Variants in ZZEF1 observed in about 807,000 individuals in gnomAD.
ZZEF1 encodes the protein zinc finger ZZ-type and EF-hand domain containing 1, also known as zinc finger ZZ-type and EF-hand domain-containing protein 1.
Under a neutral mutation model 342.8 loss-of-function variants are expected in ZZEF1, and 157 were observed. The observed-to-expected ratio is 0.46, with a 90% CI of 0.40 to 0.52. ZZEF1 has a LOEUF of 0.52. Among genes scored for constraint, ZZEF1 ranks in the 20% least tolerant of loss-of-function variants. The pLI is 0.00. For synonymous variants in ZZEF1, 1,505 were observed against 1,429.1 expected (o/e 1.05, Z -1.20); for missense variants, 3,480 against 3,725.6 (o/e 0.93, Z 1.72).
chr17:4,072,401 C>T (rs2057526716), intron 25 of ZZEF1, among the ~76,000 whole-genome samples: 1 of 152,224 alleles, frequency 6.6e-6, no homozygotes. Context: ...CCAAGTCACG[C>T]ATTCAGTATT....
At chr17:4,101,587 G>C (rs374102570) in intron 9 of ZZEF1, among the ~76,000 whole-genome samples, 1 of 152,100 alleles carries the variant, frequency 6.6e-6, no homozygotes, top group Non-Finnish European at 1.5e-5. Flanking sequence ...CTCTAGACAC[G>C]CAAATACTAC....
rs1315652349 is a variant in ZZEF1 at position 4,017,778 on chromosome 17, G to A, written c.7642-48C>T. On this transcript the variant is annotated intron_variant, in intron 47 of 54. Coordinates refer to ENST00000381638, the MANE Select transcript of ZZEF1 (RefSeq NM_015113.4). This position sits in a 1 kb window ranked among gnomAD's most constrained non-coding sequence, Gnocchi z 5.1. ...ACAGAGGTCTAGCCTTCTTACAGTG[G>A]TGGTATGGGGTGGGGGATGGGGTGC... 9 of 1,613,324 alleles carry A rather than the reference G, an allele frequency of 5.6e-6. No individual in the cohort carries two copies. Among genetic ancestry groups the A allele is most frequent in the African/African-American group, 2.7e-5 (2 of 74,942 alleles).
At chr17:4,035,270 T>G (rs2056635637) in intron 39 of ZZEF1, among the ~76,000 whole-genome samples, 1 of 152,212 alleles carries the variant, frequency 6.6e-6, no homozygotes, top group Admixed American at 6.5e-5. Flanking sequence ...TGAGTTGTTA[T>G]CCTCAGTGTG....
chr17:4,114,265 T>A, intron 4 of ZZEF1, 34 bp downstream of exon 4: 1 of 1,464,890 alleles, frequency 6.8e-7, no homozygotes, highest in Non-Finnish European at 9.1e-7. Context: ...AATCCAAAAT[T>A]TTAAAAAACA....
At position 4,114,390 on chromosome 17, in the gene ZZEF1, A is replaced by T; in HGVS notation, c.775T>A (p.Ser259Thr). The change falls in exon 4 of 55, where the codon TCC (serine) becomes ACC (threonine). Residue 259 changes from serine to threonine, a missense_variant. This residue lies in a region of ZZEF1 where 416 missense variants were observed against 374.2 expected (regional missense o/e 1.11). Transcript: ENST00000381638. ...VAKCYAYIET[S>T]SNSADIDKMT... ...TTGTCAATGTCTGCCGAGTTGGAGG[A>T]TGTTTCTATATAAGCATAGCACTTT... is the stretch of plus-strand genomic sequence containing the variant. 1 of 1,611,914 alleles carries T rather than the reference A, an allele frequency of 6.2e-7. No homozygotes were observed. Among genetic ancestry groups the T allele is most frequent in the Non-Finnish European group, 8.5e-7 (1 of 1,179,114 alleles).
At chr17:4,108,484 A>C (rs1387511670) in intron 6 of ZZEF1, among the ~76,000 whole-genome samples, 1 of 152,234 alleles carries the variant, frequency 6.6e-6, no homozygotes, top group Non-Finnish European at 1.5e-5. Context: ...AGAAAGGACA[A>C]AGAAATGCAG....
chr17:4,026,510 A>G (rs1307522523), intron 42 of ZZEF1, among the ~76,000 whole-genome samples: 1 of 151,054 alleles, frequency 6.6e-6, no homozygotes, highest in Non-Finnish European at 1.5e-5. Context: ...ATAGACAAAC[A>G]TCTTTTTTTT....
intron 1 of ZZEF1, among the ~76,000 whole-genome samples, chr17:4,133,155 T>C (rs2058696367): frequency 6.6e-6 from 1 of 152,174 alleles, no homozygotes; most frequent in Non-Finnish European, 1.5e-5. Context: ...AGCACAGCTA[T>C]CATTCATTCA....
At position 4,082,474 on chromosome 17, in the gene ZZEF1, G is replaced by A. The variant is rs1196424698; in HGVS notation, c.2677C>T (p.Leu893=). Residue 893 remains leucine, a synonymous_variant, in exon 17 of 55, where the codon CTG becomes TTG. Transcript: ENST00000381638. ...NVTEQEHKQS[L]QLTFRSLCTY... ...CACAGTGAACGGAAAGTGAGCTGCA[G>A]GGACTGCTTGTGCTCCTGCTCGGTG... is the stretch of plus-strand genomic sequence containing the variant. The A allele has an allele frequency of 3.7e-6, 6 of 1,614,124 alleles. No individual in the cohort carries two copies. Among genetic ancestry groups the A allele is most frequent in the Non-Finnish European group, 5.1e-6 (6 of 1,180,000 alleles).
At chr17:4,029,635 G>T (rs2056493528) in intron 42 of ZZEF1, among the ~76,000 whole-genome samples, 1 of 152,136 alleles carries the variant, frequency 6.6e-6, no homozygotes, top group African/African-American at 2.4e-5. Context: ...CAGCACTTTG[G>T]AAGGCTGAGG....
chr17:4,044,502 C>T (rs1245581736), intron 37 of ZZEF1, 128 bp from the exon 38 acceptor site: 1 of 770,562 alleles, frequency 1.3e-6, no homozygotes, highest in Non-Finnish European at 2.0e-6. Context: ...TTAGAAAATG[C>T]CACTCATTTC....
At chr17:4,112,037 T>A (rs1326697826) in intron 5 of ZZEF1, among the ~76,000 whole-genome samples, 55 of 3,644 alleles carry the variant, frequency 0.015, no homozygotes, top group African/African-American at 0.068. Context: ...TGTCTAAATA[T>A]ATATATATAT....
intron 33 of ZZEF1, among the ~76,000 whole-genome samples, 195 bp from the exon 34 acceptor site, chr17:4,054,390 G>C (rs1406813462): frequency 6.6e-6 from 1 of 152,222 alleles, no homozygotes; most frequent in Non-Finnish European, 1.5e-5. Context: ...AGTATGACCA[G>C]TGCTTTCACA....
chr17:4,096,104 T>C, intron 10 of ZZEF1, 125 bp from the exon 11 acceptor site: 2 of 1,053,296 alleles, frequency 1.9e-6, no homozygotes, highest in East Asian at 5.3e-5. Context: ...ATTTCAAACA[T>C]ATTAAGCCCT....
At chr17:4,030,727 C>A (rs956316805) in intron 42 of ZZEF1, among the ~76,000 whole-genome samples, 1 of 152,162 alleles carries the variant, frequency 6.6e-6, no homozygotes, top group Non-Finnish European at 1.5e-5. Flanking sequence ...TAAGCGACTG[C>A]GCCTGGCTCC....
chr17:4,135,350 C>T (rs746138466), intron 1 of ZZEF1, among the ~76,000 whole-genome samples: 1 of 152,150 alleles, frequency 6.6e-6, no homozygotes, highest in Non-Finnish European at 1.5e-5. Context: ...GTGAGGGGCA[C>T]CTGTAGTCCC....
chr17:4,076,355 G>C (rs934163180), intron 21 of ZZEF1: 2 of 199,600 alleles, frequency 1.0e-5, no homozygotes, highest in South Asian at 2.2e-4. Context: ...GGATGGTCTC[G>C]ATCTCCTGAC....
chr17:4,093,819 T>C (rs2057988096), intron 11 of ZZEF1, among the ~76,000 whole-genome samples: 1 of 152,108 alleles, frequency 6.6e-6, no homozygotes, highest in South Asian at 2.1e-4. Context: ...TGTCTTAGCT[T>C]CTTCAATTTT....
intron 49 of ZZEF1, among the ~76,000 whole-genome samples, chr17:4,015,622 G>C (rs1442076305): frequency 1.3e-5 from 2 of 152,162 alleles, no homozygotes; most frequent in Non-Finnish European, 2.9e-5. Flanking sequence ...AAAATTAGCT[G>C]GGCATGGTGG....
Sources: allele counts gnomAD v4.1 joint callset (sites outside exome capture counted in the v4.1 genomes callset), GRCh38; gene constraint gnomAD v4.1.1; regional missense constraint gnomAD v4.1.1; non-coding constraint Gnocchi (gnomAD v3.1); transcripts MANE v1.5; gene names NCBI Gene and HGNC (gene_info 2026-07-23, HGNC 2026-07-21).